The following KIAA1217 variants were observed in gnomAD, a reference collection of about 807,000 sequenced individuals.
The protein encoded by KIAA1217 is KIAA1217.
Under a neutral mutation model 163.9 loss-of-function variants are expected in KIAA1217, and 88 were observed. The observed-to-expected ratio is 0.54, with a 90% confidence interval of 0.45 to 0.64. KIAA1217 has a LOEUF of 0.64. Among genes scored for constraint, KIAA1217 ranks in the 30% least tolerant of loss-of-function variants. The pLI is 0.00. For synonymous variants in KIAA1217, 903 were observed against 923.1 expected, an observed-to-expected ratio of 0.98 and a Z score of 0.39; for missense variants, 2,372 against 2,475.0, an observed-to-expected ratio of 0.96 and a Z score of 0.88.
chr10:24,216,734 C>T (rs533497780), intron 1 of KIAA1217, among the ~76,000 whole-genome samples: 1 of 141,228 alleles, frequency 7.1e-6, no homozygotes, highest in African/African-American at 2.7e-5. Flanking sequence ...GGCTGAGGTA[C>T]AAGAATTGCT....
chr10:23,763,078 G>A (rs1172610487), intron 1 of KIAA1217, among the ~76,000 whole-genome samples: 2 of 152,032 alleles, frequency 1.3e-5, no homozygotes, highest in Non-Finnish European at 2.9e-5. Context: ...CCTATTCAAG[G>A]AGAACTACAA....
intron 2 of KIAA1217, among the ~76,000 whole-genome samples, chr10:24,093,694 C>T (rs982690170): frequency 2.1e-4 from 32 of 151,046 alleles, no homozygotes; most frequent in African/African-American, 7.4e-4. Context: ...TACATGGGCA[C>T]AATGTGCAGG....
chr10:23,825,006 T>C (rs12244805), intron 1 of KIAA1217, among the ~76,000 whole-genome samples: 45,008 of 151,886 alleles, frequency 0.3, 7,637 homozygotes, highest in African/African-American at 0.45. Context: ...TAAGATGTTA[T>C]CGGGAACATC....
At chr10:23,971,280 A>G (rs542508002) in intron 1 of KIAA1217, among the ~76,000 whole-genome samples, 3 of 152,322 alleles carry the variant, frequency 2.0e-5, no homozygotes, top group South Asian at 4.1e-4. Context: ...ACCATTTTGC[A>G]TCTTAGTGCT....
chr10:24,437,477 G>A (rs1451022245), intron 4 of KIAA1217, among the ~76,000 whole-genome samples: 1 of 152,236 alleles, frequency 6.6e-6, no homozygotes, highest in African/African-American at 2.4e-5. Context: ...GCACCTGGAA[G>A]AGAGGAATTC....
rs116786865 is a variant in KIAA1217 at position 24,137,383 on chromosome 10, G to A, written c.-170-82243G>A. Among the ~76,000 whole-genome samples, 797 of 152,322 alleles carry A rather than the reference G, an allele frequency of 5.2e-3. 3 individuals are homozygous for A. The highest frequency in any genetic ancestry group is 0.019 in the African/African-American group (770 of 41,576). On this transcript the variant is annotated intron_variant, in intron 2 of 18. Transcript: ENST00000376462. Reference sequence around the variant, plus strand: ...CCAGTTTTGCAGCAGGGCATCCCTAGGCCCCCAGGAGATTGCTGTCTTCTT... The same window carrying A: ...CCAGTTTTGCAGCAGGGCATCCCTAAGCCCCCAGGAGATTGCTGTCTTCTT...
intron 2 of KIAA1217, among the ~76,000 whole-genome samples, chr10:24,067,951 G>T (rs143562041): frequency 6.6e-6 from 1 of 152,214 alleles, no homozygotes; most frequent in Non-Finnish European, 1.5e-5. Flanking sequence ...CCTTGTGCAG[G>T]ATATAATCTC....
chr10:23,918,004 T>A (rs1842693055), intron 1 of KIAA1217, among the ~76,000 whole-genome samples: 1 of 151,514 alleles, frequency 6.6e-6, no homozygotes, highest in South Asian at 2.1e-4. Flanking sequence ...AGGCAAGACA[T>A]TTTTTATCCC....
At chr10:23,994,845 CA>C (rs1846394392) in intron 1 of KIAA1217, among the ~76,000 whole-genome samples, 1 of 152,148 alleles carries the variant, frequency 6.6e-6, no homozygotes, top group Non-Finnish European at 1.5e-5. Flanking sequence ...ATTTTCTCTT[CA>C]TAACCAATAC....
intron 2 of KIAA1217, among the ~76,000 whole-genome samples, chr10:24,323,002 G>A (rs1463457707): frequency 6.6e-6 from 1 of 152,130 alleles, no homozygotes. Context: ...CTAGGCTAGA[G>A]TGCAGTGCCA....
intron 1 of KIAA1217, among the ~76,000 whole-genome samples, chr10:23,858,942 T>C (rs1839832464): frequency 6.6e-6 from 1 of 152,178 alleles, no homozygotes; most frequent in Non-Finnish European, 1.5e-5. Context: ...CTTTCCTCCC[T>C]CGTAACTTAA....
chr10:24,251,436 GA>G (rs2074522816), intron 2 of KIAA1217, among the ~76,000 whole-genome samples: 1 of 140,656 alleles, frequency 7.1e-6, no homozygotes, highest in African/African-American at 2.6e-5. Flanking sequence ...GAAAAAAAAA[GA>G]AAGAAAAAAA....
intron 2 of KIAA1217, among the ~76,000 whole-genome samples, chr10:24,358,545 T>A (rs2049432671): frequency 6.6e-6 from 1 of 152,210 alleles, no homozygotes. Flanking sequence ...GAATATTAAC[T>A]ATTTCAAAGC....
chr10:24,053,003 A>G (rs1352451368), intron 2 of KIAA1217, among the ~76,000 whole-genome samples: 1 of 152,284 alleles, frequency 6.6e-6, no homozygotes, highest in African/African-American at 2.4e-5. Context: ...TCCTGGTGAC[A>G]GTGCTATAGC....
intron 1 of KIAA1217, among the ~76,000 whole-genome samples, chr10:23,892,655 A>G (rs977767205): frequency 1.3e-5 from 2 of 151,960 alleles, no homozygotes; most frequent in African/African-American, 4.8e-5. Context: ...TGCACAGTGT[A>G]GCTCATTTAT....
intron 1 of KIAA1217, among the ~76,000 whole-genome samples, chr10:23,982,535 CT>C (rs1845813905): frequency 1.2e-5 from 1 of 82,674 alleles, no homozygotes; most frequent in South Asian, 5.0e-4. Flanking sequence ...TTGTTTCTCT[CT>C]CTCTCTCTCT....
At chr10:24,340,735 C>T (rs11014039) in intron 2 of KIAA1217, among the ~76,000 whole-genome samples, 1 of 152,124 alleles carries the variant, frequency 6.6e-6, no homozygotes, top group Non-Finnish European at 1.5e-5. Context: ...CTTTAAACTG[C>T]CACAGAAAGA....
intron 2 of KIAA1217, among the ~76,000 whole-genome samples, chr10:24,026,742 A>ATTTTT: frequency 3.6e-4 from 25 of 70,076 alleles, no homozygotes; most frequent in African/African-American, 1.2e-3. Flanking sequence ...TATTTCATTG[A>ATTTTT]TTTTTTTTTT....
intron 1 of KIAA1217, among the ~76,000 whole-genome samples, chr10:23,944,894 A>G (rs1180544941): frequency 5.9e-5 from 9 of 152,070 alleles, no homozygotes; most frequent in Non-Finnish European, 7.4e-5. Context: ...CCCTGTCTCT[A>G]CTAATAATGT....
Sources: gnomAD v4.1 joint callset for allele counts (sites outside exome capture counted in the v4.1 genomes callset) on GRCh38, gnomAD v4.1.1 for gene constraint, MANE v1.5 for transcripts, NCBI Gene and HGNC (gene_info 2026-07-23, HGNC 2026-07-21) for gene names.